Variants in CCBE1 observed in about 807,000 individuals in gnomAD.
CCBE1 encodes the protein collagen and calcium-binding EGF domain-containing protein 1.
In CCBE1, 37 loss-of-function variants were observed where a neutral mutation model predicts 50.0. That is an observed-to-expected ratio of 0.74 (90% CI 0.57 to 0.97). The LOEUF is 0.97. Among genes scored for constraint, CCBE1 ranks in the 50% least tolerant of loss-of-function variants. The pLI is 0.00. For missense variants in CCBE1, 538 were observed against 523.8 expected, an observed-to-expected ratio of 1.03 and a Z score of -0.26; for synonymous variants, 234 against 203.7, an observed-to-expected ratio of 1.15 and a Z score of -1.27.
At chr18:59,459,538 A>G (rs997316734) in intron 5 of CCBE1, among the ~76,000 whole-genome samples, 1 of 152,178 alleles carries the variant, frequency 6.6e-6, no homozygotes, top group African/African-American at 2.4e-5. Flanking sequence ...AAGGTGCAAT[A>G]TTATTGATTA....
At chr18:59,559,335 T>C (rs944750761) in intron 2 of CCBE1, among the ~76,000 whole-genome samples, 4 of 152,194 alleles carry the variant, frequency 2.6e-5, no homozygotes, top group Admixed American at 6.5e-5. Flanking sequence ...TGTTGCAGGC[T>C]TACCCAGTGA....
chr18:59,693,145 C>A (rs1050719273), intron 2 of CCBE1, among the ~76,000 whole-genome samples: 2 of 152,104 alleles, frequency 1.3e-5, no homozygotes, highest in Non-Finnish European at 2.9e-5. Context: ...TTTAAATAAT[C>A]ATTCCAAATA....
At chr18:59,462,068 A>T (rs1396738905) in intron 5 of CCBE1, among the ~76,000 whole-genome samples, 1 of 152,058 alleles carries the variant, frequency 6.6e-6, no homozygotes, top group East Asian at 1.9e-4. Flanking sequence ...GTTTTGAATG[A>T]CAGTAAAGCT....
chr18:59,493,850 T>G (rs1173759451), intron 2 of CCBE1, among the ~76,000 whole-genome samples: 1 of 152,186 alleles, frequency 6.6e-6, no homozygotes, highest in Admixed American at 6.5e-5. Flanking sequence ...ATCATGAGGG[T>G]AGGTCTTTCC....
At chr18:59,690,811 C>A (rs2054720296) in intron 2 of CCBE1, among the ~76,000 whole-genome samples, 1 of 152,198 alleles carries the variant, frequency 6.6e-6, no homozygotes, top group African/African-American at 2.4e-5. Context: ...GGCGGGGGAC[C>A]CCCTTTAAAA....
chr18:59,470,237 G>A (rs1239253620), intron 3 of CCBE1, among the ~76,000 whole-genome samples: 1 of 152,128 alleles, frequency 6.6e-6, no homozygotes, highest in Non-Finnish European at 1.5e-5. Context: ...CTTCTTACAT[G>A]GTATCAGGCA....
Position 59,665,473 on chromosome 18 carries a change from T to C in CCBE1, c.212+31156A>G, listed in dbSNP as rs141247264. 1.4e-3 allele frequency among the ~76,000 whole-genome samples: 214 copies of C among 152,316 alleles called. 1 individual carries two copies. The highest frequency in any genetic ancestry group is 4.8e-3 in the African/African-American group (201 of 41,574). On this transcript the variant is annotated intron_variant, in intron 2 of 10. Coordinates refer to ENST00000439986, the MANE Select transcript of CCBE1 (RefSeq NM_133459.4). ...TTGTTGAGTTTACTAAATGAAGCAA[T>C]TTAACGGGAAAATTCTTCAGAAAGT...
At chr18:59,464,217 C>T (rs984698065) in intron 5 of CCBE1, 1 of 152,250 alleles carries the variant, frequency 6.6e-6, no homozygotes, top group African/African-American at 2.4e-5. Flanking sequence ...GGCGGATCAC[C>T]TGAGGTCAAG....
At chr18:59,670,802 G>A (rs1333228259) in intron 2 of CCBE1, among the ~76,000 whole-genome samples, 1 of 152,102 alleles carries the variant, frequency 6.6e-6, no homozygotes, top group African/African-American at 2.4e-5. Flanking sequence ...ACAAAAATTA[G>A]ATGGGTGTGG....
intron 2 of CCBE1, among the ~76,000 whole-genome samples, chr18:59,643,751 G>C (rs1033507808): frequency 6.7e-6 from 1 of 149,974 alleles, no homozygotes; most frequent in Non-Finnish European, 1.5e-5. Flanking sequence ...AACCCGCAGG[G>C]GTAGACGTTG....
chr18:59,443,885 T>C (rs1395998847), intron 7 of CCBE1, among the ~76,000 whole-genome samples: 1 of 152,228 alleles, frequency 6.6e-6, no homozygotes. Flanking sequence ...GACCACCGAA[T>C]AACTCCCCAT....
chr18:59,603,131 C>CGCCATAGCCAT (rs1189031150), intron 2 of CCBE1, among the ~76,000 whole-genome samples: 6 of 152,168 alleles, frequency 3.9e-5, no homozygotes, highest in Admixed American at 3.9e-4. Flanking sequence ...GAAAAAAATC[C>CGCCATAGCCAT]AGTGTGTGTA....
At chr18:59,508,711 CTTTTT>C (rs55881131) in intron 2 of CCBE1, among the ~76,000 whole-genome samples, 9 of 95,684 alleles carry the variant, frequency 9.4e-5, no homozygotes, top group Admixed American at 5.8e-4. Flanking sequence ...TAGAGTTACG[CTTTTT>C]TTTTTTTTTT....
intron 5 of CCBE1, among the ~76,000 whole-genome samples, chr18:59,457,326 G>A (rs917931941): frequency 6.6e-6 from 1 of 152,200 alleles, no homozygotes; most frequent in African/African-American, 2.4e-5. Flanking sequence ...AGAGATGGTA[G>A]AGTGAACTGA....
chr18:59,531,285 G>A (rs1385482604), intron 2 of CCBE1, among the ~76,000 whole-genome samples: 3 of 151,990 alleles, frequency 2.0e-5, no homozygotes, highest in East Asian at 3.8e-4. Flanking sequence ...AAGCCAGTGT[G>A]AAAGATGAGA....
At position 59,432,801 on chromosome 18, in the gene CCBE1, A is replaced by G. The variant is rs1027303198; in HGVS notation, c.*3107T>C. 6.6e-6 allele frequency: 1 copy of G among 152,202 alleles called. No individual in the cohort carries two copies. Among genetic ancestry groups the G allele is most frequent in the Non-Finnish European group, 1.5e-5 (1 of 68,036 alleles). 9.4% of individuals were successfully genotyped at this position (152,202 alleles called of 1,614,324 possible). A position where few individuals can be genotyped will look rare whatever the true frequency, so the allele number is the denominator to read the frequency against. ...ATATTATTCTAGCCTATGGCCAAAC[A>G]TGCAGTTTGGTTGCATTTTATGAGC... On this transcript the variant is annotated 3_prime_UTR_variant, in exon 11 of 11. Transcript: ENST00000439986.
At chr18:59,612,965 T>C (rs991803119) in intron 2 of CCBE1, among the ~76,000 whole-genome samples, 1 of 151,968 alleles carries the variant, frequency 6.6e-6, no homozygotes, top group Admixed American at 6.6e-5. Flanking sequence ...TATTAGAGAC[T>C]GTGAAGAGAG....
At chr18:59,600,405 G>A (rs990621751) in intron 2 of CCBE1, among the ~76,000 whole-genome samples, 3 of 151,984 alleles carry the variant, frequency 2.0e-5, no homozygotes, top group African/African-American at 7.3e-5. Context: ...GGTGAGTTGT[G>A]TAAGTATGTT....
intron 2 of CCBE1, among the ~76,000 whole-genome samples, chr18:59,501,085 T>C (rs145800588): frequency 2.6e-4 from 40 of 152,280 alleles, no homozygotes; most frequent in African/African-American, 9.4e-4. Context: ...ATCCCCAAAG[T>C]GTGAAGCACA....
Sources: gnomAD v4.1 joint callset for allele counts (sites outside exome capture counted in the v4.1 genomes callset) on GRCh38, gnomAD v4.1.1 for gene constraint, MANE v1.5 for transcripts, NCBI Gene and HGNC (gene_info 2026-07-23, HGNC 2026-07-21) for gene names.